The following WDR64 variants were observed in gnomAD, a reference collection of about 807,000 sequenced individuals.
WDR64 encodes WD repeat-containing protein 64.
In WDR64, 112 loss-of-function variants were observed where a neutral mutation model predicts 139.3. That is an observed-to-expected ratio of 0.80 (90% CI 0.69 to 0.94). The LOEUF is 0.94. Ranked by LOEUF, WDR64 falls within the 40% of genes least tolerant of loss-of-function variation. WDR64 has a pLI of 0.00. For missense variants in WDR64, 1,206 were observed against 1,293.1 expected (o/e 0.93, Z 1.03); for synonymous variants, 444 against 437.7 (o/e 1.01, Z -0.18).
intron 17 of WDR64, 105 bp downstream of exon 17, chr1:241,769,610 A>T (rs1275842414): frequency 2.0e-6 from 2 of 1,015,392 alleles, no homozygotes; most frequent in Non-Finnish European, 2.9e-6. Flanking sequence ...AAAGTAATAG[A>T]AAGAGTTTAC....
In WDR64 at chr1:241,771,683, A is replaced by G. The variant is rs990694104; in HGVS notation, c.2276A>G (p.Asp759Gly). The G allele has an allele frequency of 1.3e-6, 2 of 1,500,844 alleles. No individual in the cohort carries two copies. The highest frequency in any genetic ancestry group is 1.4e-5 in the African/African-American group (1 of 71,028). 93.0% of individuals were successfully genotyped at this position (1,500,844 alleles called of 1,614,324 possible). ...SSKGSKQSIH[D>G]SEVKGEQTDV... The stretch of plus-strand genomic sequence containing the variant: ...CAGGGAAGCAAGCAAAGCATACATG[A>G]CAGTGAGGTTAAAGGTCAGTATGAA... The change falls in exon 19 of 28, where the codon GAC (aspartate) becomes GGC (glycine). Residue 759 changes from aspartate to glycine, a missense_variant. By Grantham distance (94) the Asp-to-Gly change is moderately conservative. Transcript: ENST00000437684.
At chr1:241,669,511 A>C (rs1249094103) in intron 2 of WDR64, among the ~76,000 whole-genome samples, 1 of 152,230 alleles carries the variant, frequency 6.6e-6, no homozygotes, top group Non-Finnish European at 1.5e-5. Flanking sequence ...AAAATGAGCA[A>C]TGATTTCTGA....
intron 15 of WDR64, 40 bp downstream of exon 15, chr1:241,757,499 T>G: frequency 3.2e-6 from 5 of 1,555,836 alleles, no homozygotes; most frequent in Non-Finnish European, 4.3e-6. Context: ...CTTTTGCTTT[T>G]TGTTATGGAA....
chr1:241,736,781 C>A (rs893596512), intron 10 of WDR64, among the ~76,000 whole-genome samples: 2 of 152,166 alleles, frequency 1.3e-5, no homozygotes, highest in Non-Finnish European at 2.9e-5. Flanking sequence ...ATAATCACAT[C>A]AATTAAATAA....
chr1:241,790,566 C>A, intron 24 of WDR64, 25 bp from the exon 25 acceptor site: 1 of 1,557,694 alleles, frequency 6.4e-7, no homozygotes, highest in Non-Finnish European at 8.8e-7. Context: ...TGGGTATGTA[C>A]TTATTCTTGT....
At chr1:241,670,431 T>C (rs1458115889) in intron 2 of WDR64, among the ~76,000 whole-genome samples, 1 of 152,144 alleles carries the variant, frequency 6.6e-6, no homozygotes, top group African/African-American at 2.4e-5. Flanking sequence ...GTGTCAAAGT[T>C]CTTAGCTGGG....
At chr1:241,664,879 C>T (rs1383190830) in intron 2 of WDR64, among the ~76,000 whole-genome samples, 1 of 152,012 alleles carries the variant, frequency 6.6e-6, no homozygotes, top group Non-Finnish European at 1.5e-5. Context: ...ATTTTTCTCC[C>T]TCTTTATGTA....
intron 14 of WDR64, among the ~76,000 whole-genome samples, chr1:241,752,043 A>G (rs1045129277): frequency 6.6e-6 from 1 of 152,188 alleles, no homozygotes; most frequent in Non-Finnish European, 1.5e-5. Context: ...AATCATTCAA[A>G]TTCTAAAGAC....
intron 2 of WDR64, among the ~76,000 whole-genome samples, chr1:241,669,029 T>C (rs535882330): frequency 6.6e-6 from 1 of 152,344 alleles, no homozygotes; most frequent in East Asian, 1.9e-4. Flanking sequence ...TAACAATAGC[T>C]AATGTTTTAA....
chr1:241,754,554 G>A (rs920177939), intron 14 of WDR64, among the ~76,000 whole-genome samples: 13 of 152,034 alleles, frequency 8.6e-5, no homozygotes, highest in Middle Eastern at 3.4e-3. Context: ...TCTTGACCTC[G>A]TGATCTGCTG....
intron 25 of WDR64, among the ~76,000 whole-genome samples, chr1:241,793,165 A>T (rs1227089127): frequency 6.6e-6 from 1 of 152,274 alleles, no homozygotes; most frequent in Non-Finnish European, 1.5e-5. Flanking sequence ...AACAGTCAAA[A>T]ATAGGCAAAA....
intron 7 of WDR64, among the ~76,000 whole-genome samples, chr1:241,685,008 C>T (rs1291750556): frequency 6.6e-6 from 1 of 151,994 alleles, no homozygotes; most frequent in East Asian, 1.9e-4. Flanking sequence ...CTGCCCGCCT[C>T]GGCCTCCCAA....
At chr1:241,745,075 G>A (rs749120443) in intron 13 of WDR64, among the ~76,000 whole-genome samples, 7 of 152,190 alleles carry the variant, frequency 4.6e-5, no homozygotes, top group Non-Finnish European at 1.0e-4. Context: ...ATGGAGCACT[G>A]GTAGGACTTC....
At chr1:241,801,035 A>T in intron 27 of WDR64, 97 bp from the exon 28 acceptor site, 1 of 910,300 alleles carries the variant, frequency 1.1e-6, no homozygotes, top group Non-Finnish European at 1.7e-6. Context: ...TAGGAGGATT[A>T]AAATCTCTAT....
At chr1:241,652,841 T>C (rs537469270) in intron 1 of WDR64, among the ~76,000 whole-genome samples, 4 of 152,084 alleles carry the variant, frequency 2.6e-5, no homozygotes, top group Non-Finnish European at 5.9e-5. Context: ...TTTTGTTTTT[T>C]TTTTTTACTT....
At chr1:241,653,079 T>C (rs1015542965) in intron 1 of WDR64, among the ~76,000 whole-genome samples, 1 of 152,232 alleles carries the variant, frequency 6.6e-6, no homozygotes, top group African/African-American at 2.4e-5. Context: ...CCACTCTCCA[T>C]ATCTCTAGGC....
chr1:241,744,030 G>C (rs968212823), intron 12 of WDR64, among the ~76,000 whole-genome samples: 4 of 152,168 alleles, frequency 2.6e-5, no homozygotes, highest in African/African-American at 9.7e-5. Context: ...ACTAGGATGA[G>C]TGTCACCAGG....
intron 14 of WDR64, 90 bp downstream of exon 14, chr1:241,749,812 C>G: frequency 7.3e-7 from 1 of 1,367,062 alleles, no homozygotes; most frequent in Non-Finnish European, 1.0e-6. Flanking sequence ...TGTAACCCCG[C>G]TCTTGGTAGC....
At chr1:241,751,284 A>G (rs1270601360) in intron 14 of WDR64, among the ~76,000 whole-genome samples, 1 of 152,130 alleles carries the variant, frequency 6.6e-6, no homozygotes, top group Non-Finnish European at 1.5e-5. Context: ...TTTTCCAACT[A>G]AAAAGGGAAC....
Sources: gnomAD v4.1 joint callset for allele counts (sites outside exome capture counted in the v4.1 genomes callset) on GRCh38, gnomAD v4.1.1 for gene constraint, MANE v1.5 for transcripts, NCBI Gene and HGNC (gene_info 2026-07-23, HGNC 2026-07-21) for gene names.